The following CSMD1 variants were observed in gnomAD, a reference collection of about 807,000 sequenced individuals.
CSMD1 encodes the protein CUB and sushi domain-containing protein 1.
A neutral mutation model predicts 417.5 loss-of-function variants in CSMD1; 213 were observed. The ratio of observed to expected loss-of-function variants is 0.51; its 90% CI spans 0.46 to 0.57. The LOEUF is 0.57. Ranked by LOEUF, CSMD1 falls within the 20% of genes least tolerant of loss-of-function variation. The pLI, the probability that CSMD1 is intolerant of heterozygous loss-of-function variation, is 0.00. For synonymous variants in CSMD1, 2,862 were observed against 1,736.8 expected (o/e 1.65, Z -16.11); for missense variants, 6,923 against 4,529.7 (o/e 1.53, Z -15.17).
intron 1 of CSMD1, among the ~76,000 whole-genome samples, chr8:4,797,129 C>A (rs897772009): frequency 6.6e-6 from 1 of 152,126 alleles, no homozygotes; most frequent in Non-Finnish European, 1.5e-5. Flanking sequence ...ATTGCAGAGG[C>A]CATGGAAGAA....
chr8:4,311,736 A>G (rs1050566345), intron 3 of CSMD1, among the ~76,000 whole-genome samples: 4 of 151,830 alleles, frequency 2.6e-5, no homozygotes, highest in African/African-American at 9.7e-5. Flanking sequence ...AAAAAAAAAA[A>G]AAAAGTAGAA....
At chr8:4,388,049 T>C (rs942353452) in intron 3 of CSMD1, among the ~76,000 whole-genome samples, 6 of 152,148 alleles carry the variant, frequency 3.9e-5, no homozygotes, top group Non-Finnish European at 5.9e-5. Flanking sequence ...TCCTGATGAA[T>C]GAATGTCCAC....
At chr8:3,726,501 G>C (rs931795125) in intron 6 of CSMD1, among the ~76,000 whole-genome samples, 1 of 151,954 alleles carries the variant, frequency 6.6e-6, no homozygotes, top group African/African-American at 2.4e-5. Context: ...GAGATGAGAG[G>C]CCAACTCTGA....
chr8:3,667,710 G>A (rs2117498708), intron 7 of CSMD1, among the ~76,000 whole-genome samples: 1 of 152,142 alleles, frequency 6.6e-6, no homozygotes, highest in East Asian at 1.9e-4. Context: ...GCTGTTAGAG[G>A]ATTAGTAGTT....
chr8:3,514,913 C>T (rs1330167732), intron 10 of CSMD1, among the ~76,000 whole-genome samples: 1 of 152,030 alleles, frequency 6.6e-6, no homozygotes, highest in Non-Finnish European at 1.5e-5. Context: ...TATCTATATG[C>T]TAAAGGCTGC....
At chr8:3,988,508 T>C (rs548441062) in intron 5 of CSMD1, among the ~76,000 whole-genome samples, 1 of 152,194 alleles carries the variant, frequency 6.6e-6, no homozygotes, top group Non-Finnish European at 1.5e-5. Flanking sequence ...CAACCAGAGC[T>C]GAACGATTGT....
At chr8:4,671,782 T>G (rs1307795286) in intron 1 of CSMD1, among the ~76,000 whole-genome samples, 1 of 152,170 alleles carries the variant, frequency 6.6e-6, no homozygotes, top group East Asian at 1.9e-4. Flanking sequence ...CATGCCTGCT[T>G]TCCTCCAGGA....
chr8:3,938,380 A>G (rs1397244633), intron 5 of CSMD1, among the ~76,000 whole-genome samples: 1 of 152,186 alleles, frequency 6.6e-6, no homozygotes, highest in Non-Finnish European at 1.5e-5. Flanking sequence ...AATATGCTGA[A>G]TGCAATCGGT....
chr8:3,682,612 A>G (rs1007224904), intron 7 of CSMD1, among the ~76,000 whole-genome samples: 1 of 152,234 alleles, frequency 6.6e-6, no homozygotes, highest in African/African-American at 2.4e-5. Context: ...AACTAGTTCA[A>G]CCATTGTGGA....
intron 18 of CSMD1, 38 bp downstream of exon 18, chr8:3,387,456 C>T (rs771794871): frequency 1.3e-6 from 2 of 1,541,956 alleles, no homozygotes; most frequent in Non-Finnish European, 8.8e-7. Context: ...TGTCTCTGCA[C>T]ACCCTGCTGG....
chr8:3,811,082 G>A (rs763793716), intron 5 of CSMD1, among the ~76,000 whole-genome samples: 6 of 152,134 alleles, frequency 3.9e-5, no homozygotes, highest in South Asian at 2.1e-4. Flanking sequence ...TCCTGAGATC[G>A]TGATAAAGGT....
intron 5 of CSMD1, among the ~76,000 whole-genome samples, chr8:3,968,314 T>C (rs1812832350): frequency 6.6e-6 from 1 of 152,124 alleles, no homozygotes; most frequent in Non-Finnish European, 1.5e-5. Context: ...GCAGCATGAG[T>C]ATTGCCTGGA....
At chr8:3,925,015 C>G (rs1007944161) in intron 5 of CSMD1, among the ~76,000 whole-genome samples, 2 of 152,248 alleles carry the variant, frequency 1.3e-5, no homozygotes, top group South Asian at 2.1e-4. Context: ...AAGAGAAAGA[C>G]TTTAAATAGT....
chr8:3,837,429 C>T lies in CSMD1; in HGVS notation c.819-83387G>A, dbSNP rs75012028. ...TGATCTCAAAGGACTGCCTACGTCA[C>T]ATATGACAGGCATTTATAAGAGAAG... On this transcript the variant is annotated intron_variant, in intron 5 of 69. Transcript: ENST00000635120. Among the ~76,000 whole-genome samples, 962 of 152,222 alleles carry T rather than the reference C, an allele frequency of 6.3e-3. 13 individuals carry two copies. Among genetic ancestry groups the T allele is most frequent in the African/African-American group, 0.022 (920 of 41,540 alleles).
At chr8:2,994,950 A>C (rs1457315601) in intron 54 of CSMD1, among the ~76,000 whole-genome samples, 2 of 152,206 alleles carry the variant, frequency 1.3e-5, no homozygotes, top group Non-Finnish European at 2.9e-5. Context: ...AAAATATATC[A>C]AATGCAAAGT....
chr8:4,805,501 C>G (rs1224000014), intron 1 of CSMD1, among the ~76,000 whole-genome samples: 1 of 152,106 alleles, frequency 6.6e-6, no homozygotes, highest in Non-Finnish European at 1.5e-5. Context: ...CGCCACCACT[C>G]TGCATTGTCA....
intron 33 of CSMD1, among the ~76,000 whole-genome samples, chr8:3,192,278 A>G (rs1371861016): frequency 3.9e-5 from 6 of 152,002 alleles, no homozygotes; most frequent in Non-Finnish European, 8.8e-5. Context: ...TTATAGGTCA[A>G]GGATCTCTTA....
At chr8:3,546,931 G>C (rs1158911757) in intron 10 of CSMD1, among the ~76,000 whole-genome samples, 3 of 152,182 alleles carry the variant, frequency 2.0e-5, no homozygotes, top group Non-Finnish European at 4.4e-5. Context: ...ATGGAGGGAG[G>C]ATATCAGAGG....
chr8:3,288,978 C>G (rs1201932151), intron 25 of CSMD1, among the ~76,000 whole-genome samples: 3 of 144,574 alleles, frequency 2.1e-5, no homozygotes, highest in African/African-American at 8.6e-5. Context: ...CCTCCCCACT[C>G]CCCCTACCCC....
Sources: gnomAD v4.1 joint callset for allele counts (sites outside exome capture counted in the v4.1 genomes callset) on GRCh38, gnomAD v4.1.1 for gene constraint, MANE v1.5 for transcripts, NCBI Gene and HGNC (gene_info 2026-07-23, HGNC 2026-07-21) for gene names.